The following LMO7 variants were observed in gnomAD, a reference collection of about 807,000 sequenced individuals.
LMO7 encodes the protein LIM domain 7, also known as LIM domain only protein 7.
LMO7 carries 120 observed loss-of-function variants against 206.5 expected under a neutral mutation model. That is an observed-to-expected ratio of 0.58 (90% CI 0.50 to 0.68). The LOEUF is 0.68. Among genes scored for constraint, LMO7 ranks in the 30% least tolerant of loss-of-function variants. The pLI, the probability that LMO7 is intolerant of heterozygous loss-of-function variation, is 0.00. For synonymous variants in LMO7, 706 were observed against 681.5 expected (o/e 1.04, Z -0.56); for missense variants, 1,959 against 1,957.9 (o/e 1.00, Z -0.01).
chr13:75,824,745 A>G (rs2057946484), intron 15 of LMO7, among the ~76,000 whole-genome samples: 1 of 152,116 alleles, frequency 6.6e-6, no homozygotes, highest in South Asian at 2.1e-4. Flanking sequence ...TTGCCCTGCA[A>G]AACATTAAGT....
chr13:75,640,343 G>A (rs1274011864), intron 1 of LMO7, among the ~76,000 whole-genome samples: 1 of 152,146 alleles, frequency 6.6e-6, no homozygotes, highest in African/African-American at 2.4e-5. Flanking sequence ...GGATGCTGAT[G>A]GTAGAGCAAC....
At chr13:75,736,361 T>C (rs1204102828) in intron 3 of LMO7, among the ~76,000 whole-genome samples, 2 of 152,240 alleles carry the variant, frequency 1.3e-5, no homozygotes, top group Non-Finnish European at 2.9e-5. Context: ...TGCCTGTTTG[T>C]CAGGATGGTT....
At chr13:75,744,978 G>T (rs2046719002) in intron 3 of LMO7, among the ~76,000 whole-genome samples, 1 of 152,160 alleles carries the variant, frequency 6.6e-6, no homozygotes, top group African/African-American at 2.4e-5. Context: ...AAGAATTACA[G>T]TGAAAAAATA....
chr13:75,805,512 G>C lies in LMO7; in HGVS notation c.948G>C (p.Glu316Asp), dbSNP rs745578273. 12 of 1,613,902 alleles carry C rather than the reference G, an allele frequency of 7.4e-6. No homozygotes were observed. The highest frequency in any genetic ancestry group is 1.0e-5 in the Non-Finnish European group (12 of 1,179,876). ...GGAGGATTTGGGGCACCAATGTGGA[G>C]AACTGGCCAACTGTACAAGGAACTT... is the stretch of plus-strand genomic sequence containing the variant. ...NQRRIWGTNVENWPTVQGTSK... is the reference protein window; with the variant it reads ...NQRRIWGTNVDNWPTVQGTSK... The change falls in exon 9 of 31, where the codon GAG becomes GAC. Residue 316 changes from glutamate (E) to aspartate (D), a missense_variant. Physicochemically the swap from Glu to Asp is conservative, Grantham distance 45. Transcript: ENST00000377534.
At chr13:75,776,659 G>A (rs1025927725) in intron 4 of LMO7, among the ~76,000 whole-genome samples, 6 of 152,134 alleles carry the variant, frequency 3.9e-5, no homozygotes, top group African/African-American at 1.4e-4. Flanking sequence ...GCCTTCAACA[G>A]CTCTGGAGCA....
At chr13:75,722,825 G>C (rs1255192897) in intron 2 of LMO7, among the ~76,000 whole-genome samples, 1 of 152,158 alleles carries the variant, frequency 6.6e-6, no homozygotes, top group African/African-American at 2.4e-5. Context: ...ATATACCATG[G>C]AATACTACTC....
At chr13:75,819,692 A>C (rs1296050824) in intron 13 of LMO7, among the ~76,000 whole-genome samples, 157 bp downstream of exon 13, 4 of 152,228 alleles carry the variant, frequency 2.6e-5, no homozygotes, top group Admixed American at 2.6e-4. Flanking sequence ...CTGCGGTGAA[A>C]AAACAAAGCA....
chr13:75,789,518 C>T (rs904053369), intron 4 of LMO7, among the ~76,000 whole-genome samples: 3 of 152,144 alleles, frequency 2.0e-5, no homozygotes, highest in Non-Finnish European at 2.9e-5. Context: ...TGTCTTGGCC[C>T]CGATCTGCGG....
At chr13:75,643,748 T>G (rs1273177622) in intron 1 of LMO7, among the ~76,000 whole-genome samples, 1 of 152,214 alleles carries the variant, frequency 6.6e-6, no homozygotes, top group Non-Finnish European at 1.5e-5. Context: ...ACATTCAATC[T>G]GTGGCTTTGC....
At chr13:75,749,660 G>A (rs1399662656) in intron 3 of LMO7, among the ~76,000 whole-genome samples, 5 of 152,170 alleles carry the variant, frequency 3.3e-5, no homozygotes, top group African/African-American at 1.2e-4. Flanking sequence ...TCTGCCAAAT[G>A]GTGCTGGCAT....
At chr13:75,843,382 C>G (rs766935588) in intron 25 of LMO7, among the ~76,000 whole-genome samples, 6 of 152,124 alleles carry the variant, frequency 3.9e-5, no homozygotes, top group Non-Finnish European at 5.9e-5. Context: ...TGTCTAAAGT[C>G]ACAGTCACAG....
chr13:75,664,497 G>A (rs2139305524), intron 1 of LMO7, among the ~76,000 whole-genome samples: 1 of 152,292 alleles, frequency 6.6e-6, no homozygotes, highest in East Asian at 1.9e-4. Context: ...TGGGAGTGCA[G>A]ATCTCTTTTC....
chr13:75,834,217 C>T lies in LMO7; in HGVS notation c.3065-9C>T. 1 of 1,560,116 alleles carries T rather than the reference C, an allele frequency of 6.4e-7. No homozygotes were observed. Among genetic ancestry groups the T allele is most frequent in the Non-Finnish European group, 8.7e-7 (1 of 1,151,560 alleles). On this transcript the variant is annotated splice_polypyrimidine_tract_variant and intron_variant, in intron 16 of 30. Transcript: ENST00000377534. The stretch of plus-strand genomic sequence containing the variant: ...TTCCCCAATTGGTTAATTTATTTTG[C>T]ATTTTTAGGTAGCCCAGCAGAATTT...
At chr13:75,760,022 A>T (rs180959101) in intron 3 of LMO7, among the ~76,000 whole-genome samples, 35 of 151,660 alleles carry the variant, frequency 2.3e-4, no homozygotes, top group African/African-American at 8.5e-4. Context: ...TGGGATTGTC[A>T]CAAGTTCAAC....
intron 1 of LMO7, among the ~76,000 whole-genome samples, chr13:75,667,565 T>G (rs1023377796): frequency 6.6e-6 from 1 of 152,204 alleles, no homozygotes; most frequent in African/African-American, 2.4e-5. Context: ...AATTTTTCAT[T>G]TTAGCCACTT....
chr13:75,734,714 T>C (rs539494958), intron 3 of LMO7, among the ~76,000 whole-genome samples: 1 of 152,350 alleles, frequency 6.6e-6, no homozygotes, highest in South Asian at 2.1e-4. Flanking sequence ...CCAGAGCAGC[T>C]GGGCTCAAAT....
At chr13:75,701,232 C>T (rs1467215866) in intron 1 of LMO7, among the ~76,000 whole-genome samples, 1 of 152,134 alleles carries the variant, frequency 6.6e-6, no homozygotes, top group East Asian at 1.9e-4. Flanking sequence ...CAGTGGGAAT[C>T]CATCAAGAAT....
chr13:75,690,338 G>T (rs577087392), intron 1 of LMO7, among the ~76,000 whole-genome samples: 3 of 152,016 alleles, frequency 2.0e-5, no homozygotes, highest in Non-Finnish European at 4.4e-5. Context: ...TCTCTGCTTT[G>T]ATCTGCCTAC....
At chr13:75,823,956 C>T (rs2057856869) in intron 15 of LMO7, 83 bp downstream of exon 15, 1 of 1,125,334 alleles carries the variant, frequency 8.9e-7, no homozygotes, top group Non-Finnish European at 1.3e-6. Flanking sequence ...AATGTCAAAC[C>T]TCTAGGTGTT....
Sources: allele counts gnomAD v4.1 joint callset (sites outside exome capture counted in the v4.1 genomes callset), GRCh38; gene constraint gnomAD v4.1.1; transcripts MANE v1.5; gene names NCBI Gene and HGNC (gene_info 2026-07-23, HGNC 2026-07-21).